Variants in TPP2 observed in about 807,000 individuals in gnomAD.
The protein encoded by TPP2 is tripeptidyl-peptidase 2.
A neutral mutation model predicts 155.9 loss-of-function variants in TPP2; 34 were observed. That is an observed-to-expected ratio of 0.22 (90% confidence interval 0.17 to 0.29). The LOEUF (loss-of-function observed/expected upper bound fraction) is 0.29, where lower values mean the gene tolerates loss of function less well. Ranked by LOEUF, TPP2 falls within the 10% of genes least tolerant of loss-of-function variation. The pLI is 1.00. For missense variants in TPP2, 1,028 were observed against 1,522.3 expected, an observed-to-expected ratio of 0.68 and a Z score of 5.40; for synonymous variants, 510 against 529.4, an observed-to-expected ratio of 0.96 and a Z score of 0.50.
intron 21 of TPP2, 82 bp from the exon 22 acceptor site, chr13:102,648,825 A>G (rs545000459): frequency 1.3e-6 from 2 of 1,489,922 alleles, no homozygotes; most frequent in South Asian, 2.8e-5. Context: ...TGTGAATGGT[A>G]ACTTTCACTT....
intron 27 of TPP2, among the ~76,000 whole-genome samples, chr13:102,671,466 CAG>C (rs1228542199): frequency 6.6e-6 from 1 of 152,160 alleles, no homozygotes; most frequent in African/African-American, 2.4e-5. Context: ...AGAGCCTCAT[CAG>C]GGGTAGGGGA....
At chr13:102,673,563 C>T (rs1885114225) in intron 27 of TPP2, among the ~76,000 whole-genome samples, 2 of 152,120 alleles carry the variant, frequency 1.3e-5, no homozygotes, top group Admixed American at 6.6e-5. Context: ...GTCCTAGGCA[C>T]GTGGAATGCA....
chr13:102,601,345 T>C (rs1038881878), intron 1 of TPP2, among the ~76,000 whole-genome samples: 2 of 152,246 alleles, frequency 1.3e-5, no homozygotes, highest in African/African-American at 4.8e-5. Flanking sequence ...TTATGATAGA[T>C]TGCAAACTTC....
intron 12 of TPP2, 49 bp from the exon 13 acceptor site, chr13:102,636,175 T>C (rs887973895): frequency 1.3e-5 from 19 of 1,498,592 alleles, no homozygotes; most frequent in Middle Eastern, 2.0e-4. Context: ...CAACAAAATA[T>C]TTTTTGACCC....
In TPP2 at chr13:102,672,847, A is replaced by G. The variant is rs78492881; in HGVS notation, c.3372-1436A>G. 3.2e-3 allele frequency among the ~76,000 whole-genome samples: 488 copies of G among 152,332 alleles called. 4 individuals carry two copies. Among genetic ancestry groups the G allele is most frequent in the African/African-American group, 0.011 (461 of 41,574 alleles). On this transcript the variant is annotated intron_variant, in intron 27 of 29. Transcript: ENST00000376052. ...TTTCTTCTTAATTCCAGTGTAAACAAGCAGTACCCAGAAACATCTCTACAA... is the reference window on the plus strand; with the variant it reads ...TTTCTTCTTAATTCCAGTGTAAACAGGCAGTACCCAGAAACATCTCTACAA...
At chr13:102,678,050 TAGTA>T (rs1425205771) in intron 29 of TPP2, among the ~76,000 whole-genome samples, 173 bp from the exon 30 acceptor site, 1 of 152,238 alleles carries the variant, frequency 6.6e-6, no homozygotes, top group East Asian at 1.9e-4. Context: ...AGTTGGTTGA[TAGTA>T]AGAAAAGTTG....
chr13:102,615,884 A>G (rs1228993243), intron 3 of TPP2, among the ~76,000 whole-genome samples: 2 of 152,018 alleles, frequency 1.3e-5, no homozygotes, highest in Non-Finnish European at 2.9e-5. Context: ...CTTCTCTTAA[A>G]CCCTGGGTGC....
Position 102,624,775 on chromosome 13 carries a change from T to C in TPP2, c.784+1735T>C, listed in dbSNP as rs574617547. Among the ~76,000 whole-genome samples the C allele has an allele frequency of 1.2e-4, 18 of 152,088 alleles. No individual in the cohort carries two copies. The South Asian group carries it at 2.7e-3, about 23-fold the overall frequency. On this transcript the variant is annotated intron_variant, in intron 6 of 29. Transcript: ENST00000376052. ...GATTGTTTTGGTATCTGTCGACATA[T>C]ATTTTTATTTATTTTTGGGCTGATA...
chr13:102,666,855 A>G (rs374894034), intron 27 of TPP2, among the ~76,000 whole-genome samples: 1 of 144,750 alleles, frequency 6.9e-6, no homozygotes, highest in South Asian at 2.2e-4. Context: ...AGCTGGGATA[A>G]AACTAGAAAA....
Position 102,622,993 on chromosome 13 carries a change from T to A in TPP2, c.737T>A (p.Val246Asp). 2 of 1,614,036 alleles carry A rather than the reference T, an allele frequency of 1.2e-6. No homozygotes were observed. The highest frequency in any genetic ancestry group is 1.7e-6 in the Non-Finnish European group (2 of 1,180,010). Residue 246 changes from valine to aspartate, a missense_variant, in exon 6 of 30, where the codon GTT (valine) becomes GAT (aspartate). By Grantham distance (152) the Val-to-Asp change is radical. Transcript: ENST00000376052. ...FGTAEMLNYS[V>D]NIYDDGNLLS... ...ACAGCTGAGATGTTGAATTACTCCG[T>A]TAATATATACGATGATGGAAACCTG...
intron 1 of TPP2, among the ~76,000 whole-genome samples, chr13:102,597,946 G>A (rs1434253034): frequency 6.6e-6 from 1 of 151,184 alleles, no homozygotes; most frequent in African/African-American, 2.4e-5. Flanking sequence ...TTTGGTTTTG[G>A]CGAGCTTCTC....
chr13:102,657,009 T>C (rs762790090), intron 24 of TPP2, 47 bp from the exon 25 acceptor site: 20 of 1,545,904 alleles, frequency 1.3e-5, no homozygotes, highest in Non-Finnish European at 7.8e-6. Flanking sequence ...TTTTGATGTA[T>C]GTAAAATTAA....
intron 2 of TPP2, among the ~76,000 whole-genome samples, chr13:102,612,197 C>T (rs1880376181): frequency 6.6e-6 from 1 of 152,096 alleles, no homozygotes; most frequent in African/African-American, 2.4e-5. Context: ...GCAGTGACAG[C>T]CAAAGGAAAC....
intron 26 of TPP2, among the ~76,000 whole-genome samples, chr13:102,664,197 A>C (rs571607823): frequency 6.6e-6 from 1 of 152,186 alleles, no homozygotes; most frequent in Non-Finnish European, 1.5e-5. Context: ...GTGCTGTCCT[A>C]ATCAGTTGAA....
At chr13:102,646,056 A>C (rs1462380029) in intron 19 of TPP2, among the ~76,000 whole-genome samples, 3 of 152,226 alleles carry the variant, frequency 2.0e-5, no homozygotes, top group African/African-American at 7.2e-5. Context: ...TTTTGCCATG[A>C]AAAGATTGCC....
rs1409805752 is a variant in TPP2 at position 102,648,940 on chromosome 13, A to G, written c.2662A>G (p.Ile888Val). Residue 888 changes from isoleucine (I) to valine (V), a missense_variant, in exon 22 of 30, where the codon ATT becomes GTT. Ile to Val is a conservative substitution (Grantham distance 29). Coordinates refer to ENST00000376052, the MANE Select transcript of TPP2 (RefSeq NM_001330588.2). Reference sequence around the variant, plus strand: ...GAAACTGGAGAAAGGAGATTATACAATTCGACTACAGATTCGCCATGAGCA... The same window carrying G: ...GAAACTGGAGAAAGGAGATTATACAGTTCGACTACAGATTCGCCATGAGCA... ...SLKLEKGDYT[I>V]RLQIRHEQIS... 4 of 1,608,908 alleles carry G rather than the reference A, an allele frequency of 2.5e-6. No homozygotes were observed. The highest frequency in any genetic ancestry group is 3.4e-6 in the Non-Finnish European group (4 of 1,178,722).
chr13:102,678,806 T>C lies in TPP2; in HGVS notation c.*490T>C, dbSNP rs1459129708. On this transcript the variant is annotated 3_prime_UTR_variant, in exon 30 of 30. Coordinates refer to ENST00000376052, the MANE Select transcript of TPP2 (RefSeq NM_001330588.2). ...TTCATTTCCAGAATTTTTTTTTTTT[T>C]TTTTTTTTTTTGGCAAATGTTTACA... is the stretch of plus-strand genomic sequence containing the variant. 6.6e-6 allele frequency: 1 copy of C among 151,764 alleles called. No homozygotes were observed. Among genetic ancestry groups the C allele is most frequent in the Non-Finnish European group, 1.5e-5 (1 of 67,892 alleles). The allele number at this position is 151,764 out of a possible 1,614,324, so 9.4% of individuals were successfully genotyped here.
intron 27 of TPP2, among the ~76,000 whole-genome samples, chr13:102,666,239 G>A (rs1884585848): frequency 6.6e-6 from 1 of 152,362 alleles, no homozygotes; most frequent in Admixed American, 6.5e-5. Context: ...CTGCTAGGAA[G>A]TTGGAAAGCA....
intron 9 of TPP2, among the ~76,000 whole-genome samples, chr13:102,629,857 A>G (rs1174598902): frequency 1.3e-5 from 2 of 152,236 alleles, no homozygotes; most frequent in African/African-American, 4.8e-5. Context: ...TATTTAGTCT[A>G]AAATATCCTG....
Sources: gnomAD v4.1 joint callset for allele counts (sites outside exome capture counted in the v4.1 genomes callset) on GRCh38, gnomAD v4.1.1 for gene constraint, MANE v1.5 for transcripts, NCBI Gene and HGNC (gene_info 2026-07-23, HGNC 2026-07-21) for gene names.